Variants in NCR2 observed in about 807,000 individuals in gnomAD.
NCR2 encodes the protein NK cell activating receptor (NKp44).
A neutral mutation model predicts 30.7 loss-of-function variants in NCR2; 35 were observed. The ratio of observed to expected loss-of-function variants is 1.14; its 90% confidence interval spans 0.87 to 1.51. The LOEUF (loss-of-function observed/expected upper bound fraction) is 1.51, where lower values mean the gene tolerates loss of function less well. Ranked by LOEUF, NCR2 falls within the 40% of genes most tolerant of loss-of-function variation. NCR2 has a pLI of 0.00. For missense variants in NCR2, 316 were observed against 328.9 expected, an observed-to-expected ratio of 0.96 and a Z score of 0.30; for synonymous variants, 146 against 134.8, an observed-to-expected ratio of 1.08 and a Z score of -0.58.
chr6:41,348,458 G>A (rs1453487105), intron 4 of NCR2, among the ~76,000 whole-genome samples: 1 of 80,394 alleles, frequency 1.2e-5, no homozygotes, highest in African/African-American at 3.4e-5. Flanking sequence ...GAGGTGGAAG[G>A]GGGAGACAAA....
At chr6:41,340,955 G>T (rs1769153050) in intron 2 of NCR2, among the ~76,000 whole-genome samples, 1 of 152,016 alleles carries the variant, frequency 6.6e-6, no homozygotes, top group Non-Finnish European at 1.5e-5. Flanking sequence ...TCAGCCTCAG[G>T]CACCCTCTCC....
chr6:41,347,303 TG>T (rs1755896583), intron 4 of NCR2, among the ~76,000 whole-genome samples: 1 of 152,236 alleles, frequency 6.6e-6, no homozygotes, highest in Non-Finnish European at 1.5e-5. Flanking sequence ...AGAATCTAAA[TG>T]GGCTCTAATA....
At chr6:41,343,023 AG>A in intron 4 of NCR2, 1 of 1,550,320 alleles carries the variant, frequency 6.5e-7, no homozygotes. Flanking sequence ...ACAGGGCACC[AG>A]GTGGGCGGCC....
At chr6:41,336,881 G>T (rs997469959) in intron 2 of NCR2, among the ~76,000 whole-genome samples, 1 of 149,046 alleles carries the variant, frequency 6.7e-6, no homozygotes, top group African/African-American at 2.5e-5. Context: ...AACTAAGAAT[G>T]AGTGAAAAAA....
chr6:41,341,550 T>A lies in NCR2; in HGVS notation c.395-244T>A, dbSNP rs952865026. ...AGACTCGAGTGCCTCCTGAGTCCTC[T>A]TCCAGTGCTCCTCCTAGACTCAAGG... is the stretch of plus-strand genomic sequence containing the variant. On this transcript the variant is annotated intron_variant, in intron 2 of 4. Transcript: ENST00000373089. Among the ~76,000 whole-genome samples the A allele has an allele frequency of 2.6e-5, 4 of 152,080 alleles. No homozygotes were observed. The South Asian group carries it at 8.3e-4, about 31-fold the overall frequency.
rs758580315 is a variant in NCR2, at chr6:41,335,926, C to A, written c.50C>A (p.Pro17Gln). 1.3e-6 allele frequency: 2 copies of A among 1,571,064 alleles called. No homozygotes were observed. Among genetic ancestry groups the A allele is most frequent in the Non-Finnish European group, 1.7e-6 (2 of 1,157,634 alleles). ...HPLLLLLLLFPGSQAQSKAQV... is the reference protein window; with the variant it reads ...HPLLLLLLLFQGSQAQSKAQV... ...CTGCTACTGCTGCTGCTGCTGTTCC[C>A]AGGTGAGGGGGAGGAGGAGCCCAGG... The change falls in exon 1 of 5, where the codon CCA (proline) becomes CAA (glutamine). Residue 17 changes from proline to glutamine, a missense_variant and splice_region_variant. Pro to Gln is a moderately conservative substitution (Grantham distance 76). Transcript: ENST00000373089.
At chr6:41,344,772 A>C (rs1769258620) in intron 4 of NCR2, among the ~76,000 whole-genome samples, 1 of 152,188 alleles carries the variant, frequency 6.6e-6, no homozygotes, top group African/African-American at 2.4e-5. Context: ...GTCTTTCTTC[A>C]GAGCTTTCTG....
intron 4 of NCR2, among the ~76,000 whole-genome samples, chr6:41,345,811 G>A (rs567466558): frequency 5.9e-5 from 9 of 152,218 alleles, no homozygotes; most frequent in East Asian, 1.9e-4. Context: ...CCTGAAGTGC[G>A]CAGTCATCAG....
chr6:41,346,469 G>A (rs943559192), intron 4 of NCR2, among the ~76,000 whole-genome samples: 2 of 151,998 alleles, frequency 1.3e-5, no homozygotes, highest in African/African-American at 4.8e-5. Context: ...TCTCACCCAT[G>A]CTTTCCTTTC....
In NCR2 at chr6:41,335,794, G is replaced by A. The variant is rs1769003164; in HGVS notation, c.-83G>A. The A allele has an allele frequency of 1.4e-6, 2 of 1,423,410 alleles. No individual in the cohort carries two copies. Among genetic ancestry groups the A allele is most frequent in the East Asian group, 5.0e-5 (2 of 40,234 alleles). 88.2% of individuals were successfully genotyped at this position (1,423,410 alleles called of 1,614,324 possible). On this transcript the variant is annotated 5_prime_UTR_variant, in exon 1 of 5. Coordinates refer to ENST00000373089, the MANE Select transcript of NCR2 (RefSeq NM_004828.4). ...TTCTATCAGACGTGCTGGAAGAGCAGCAGAATCAGGCCCAGCTCCCAATTC... is the reference window on the plus strand; with the variant it reads ...TTCTATCAGACGTGCTGGAAGAGCAACAGAATCAGGCCCAGCTCCCAATTC...
chr6:41,343,080 G>T, intron 4 of NCR2: 1 of 1,406,580 alleles, frequency 7.1e-7, no homozygotes, highest in South Asian at 1.3e-5. Context: ...CCTGACTTCT[G>T]ACCTCTGCTG....
At chr6:41,336,529 G>T (rs139930258) in intron 2 of NCR2, 101 bp downstream of exon 2, 41 of 951,336 alleles carry the variant, frequency 4.3e-5, no homozygotes, top group Non-Finnish European at 6.4e-5. Flanking sequence ...CCATGCCCAC[G>T]CCCCAGTCTC....
chr6:41,344,899 GCT>G (rs1221275587), intron 4 of NCR2, among the ~76,000 whole-genome samples: 11 of 152,144 alleles, frequency 7.2e-5, no homozygotes, highest in Admixed American at 1.3e-4. Context: ...CTCTTTCACA[GCT>G]CTGTTTCTCT....
In NCR2 at chr6:41,348,481, T is replaced by C. The variant is rs756266234; in HGVS notation, c.645-2197T>C. Among the ~76,000 whole-genome samples, 49 of 151,558 alleles carry C rather than the reference T, an allele frequency of 3.2e-4. 1 individual carries two copies. The highest frequency in any genetic ancestry group is 6.9e-3 in the Middle Eastern group (2 of 290). On this transcript the variant is annotated intron_variant, in intron 4 of 4. Transcript: ENST00000373089. The stretch of plus-strand genomic sequence containing the variant: ...AGGGGGAGACAAAAAAAAAAGTCAC[T>C]GGTCCTTAGAAAATCAGAACTTTAG...
In NCR2 at chr6:41,350,737, C is replaced by A. The variant is rs989814247; in HGVS notation, c.704C>A (p.Thr235Asn). The A allele has an allele frequency of 3.7e-6, 6 of 1,613,920 alleles. No individual in the cohort carries two copies. The South Asian group carries it at 6.6e-5, about 18-fold the overall frequency. Residue 235 changes from threonine (T) to asparagine (N), a missense_variant, in exon 5 of 5, where the codon ACC (threonine) becomes AAC (asparagine). Physicochemically the swap from Thr to Asn is moderately conservative, Grantham distance 65 (BLOSUM62 0). Coordinates refer to ENST00000373089, the MANE Select transcript of NCR2 (RefSeq NM_004828.4). Reference sequence around the variant, plus strand: ...AGGAGCCTGGATACCCAAAAAGCCACCTGCCACCTTCAACAGGTCACGGAC... The same window carrying A: ...AGGAGCCTGGATACCCAAAAAGCCAACTGCCACCTTCAACAGGTCACGGAC... ...ELRSLDTQKA[T>N]CHLQQVTDLP...
chr6:41,335,943 G>A lies in NCR2; in HGVS notation c.52+15G>A. 1 of 1,570,872 alleles carries A rather than the reference G, an allele frequency of 6.4e-7. No individual in the cohort carries two copies. The highest frequency in any genetic ancestry group is 1.4e-5 in the African/African-American group (1 of 73,942). On this transcript the variant is annotated intron_variant, in intron 1 of 4. Coordinates refer to ENST00000373089, the MANE Select transcript of NCR2 (RefSeq NM_004828.4). ...GCTGTTCCCAGGTGAGGGGGAGGAG[G>A]AGCCCAGGGAGCAGAGGAGATGGGT...
In NCR2 at chr6:41,341,938, C is replaced by T. The variant is rs374844779; in HGVS notation, c.530+9C>T. On this transcript the variant is annotated intron_variant, in intron 3 of 4. Coordinates refer to ENST00000373089, the MANE Select transcript of NCR2 (RefSeq NM_004828.4). ...ATCCCTGTCCCTTCACAGTGAGTTTCGGGGTGCCCGTAGCCACACAGGCCT... is the reference window on the plus strand; with the variant it reads ...ATCCCTGTCCCTTCACAGTGAGTTTTGGGGTGCCCGTAGCCACACAGGCCT... 2.2e-5 allele frequency: 35 copies of T among 1,613,114 alleles called. No homozygotes were observed. Among genetic ancestry groups the T allele is most frequent in the Non-Finnish European group, 2.8e-5 (33 of 1,179,406 alleles).
intron 2 of NCR2, among the ~76,000 whole-genome samples, chr6:41,338,739 A>G (rs537380272): frequency 2.0e-5 from 3 of 152,334 alleles, no homozygotes; most frequent in East Asian, 1.9e-4. Context: ...TATTTGTTCT[A>G]GGAGATGGTC....
In NCR2 at chr6:41,335,782, G is replaced by C. The variant is rs188189431; in HGVS notation, c.-95G>C. On this transcript the variant is annotated 5_prime_UTR_variant, in exon 1 of 5. Transcript: ENST00000373089. ...CCTGTCTCATTTTTCTATCAGACGT[G>C]CTGGAAGAGCAGCAGAATCAGGCCC... The C allele has an allele frequency of 4.3e-5, 58 of 1,353,902 alleles. No individual in the cohort carries two copies. The East Asian group carries it at 1.3e-3, about 29-fold the overall frequency. 83.9% of individuals were successfully genotyped at this position (1,353,902 alleles called of 1,614,324 possible). A position where few individuals can be genotyped will look rare whatever the true frequency, so the allele number is the denominator to read the frequency against.
Sources: allele counts gnomAD v4.1 joint callset (sites outside exome capture counted in the v4.1 genomes callset), GRCh38; gene constraint gnomAD v4.1.1; transcripts MANE v1.5; gene names NCBI Gene and HGNC (gene_info 2026-07-23, HGNC 2026-07-21).